GALNT17: variants seen among roughly 807,000 people sequenced by gnomAD.
GALNT17 encodes polypeptide N-acetylgalactosaminyltransferase 17, also known as UDP-GalNAc:polypeptide N-acetylgalactosaminyltransferase-like 3.
A neutral mutation model predicts 63.7 loss-of-function variants in GALNT17; 29 were observed. The ratio of observed to expected loss-of-function variants is 0.46; its 90% CI spans 0.34 to 0.62. GALNT17 has a LOEUF of 0.62. Ranked by LOEUF, GALNT17 falls within the 20% of genes least tolerant of loss-of-function variation. The pLI, the probability that GALNT17 is intolerant of heterozygous loss-of-function variation, is 0.01. For missense variants in GALNT17, 603 were observed against 799.6 expected, an observed-to-expected ratio of 0.75 and a Z score of 2.97; for synonymous variants, 305 against 318.3, an observed-to-expected ratio of 0.96 and a Z score of 0.45.
intron 2 of GALNT17, among the ~76,000 whole-genome samples, chr7:71,346,251 T>G (rs573848821): frequency 2.4e-4 from 37 of 151,812 alleles, no homozygotes; most frequent in African/African-American, 8.2e-4. Flanking sequence ...TATATATATT[T>G]TAAAAGGTCA....
At chr7:71,558,680 A>G (rs1054844090) in intron 5 of GALNT17, among the ~76,000 whole-genome samples, 1 of 152,204 alleles carries the variant, frequency 6.6e-6, no homozygotes, top group African/African-American at 2.4e-5. Flanking sequence ...AGCATAGTGC[A>G]TTTACAAAAA....
intron 5 of GALNT17, among the ~76,000 whole-genome samples, chr7:71,475,735 A>G (rs1037788675): frequency 2.0e-5 from 3 of 152,162 alleles, no homozygotes; most frequent in Non-Finnish European, 4.4e-5. Context: ...AATTGCCTAC[A>G]AAGTCGCAAA....
chr7:71,240,675 C>T (rs6974926), intron 1 of GALNT17, among the ~76,000 whole-genome samples: 51,186 of 126,710 alleles, frequency 0.4, 9,614 homozygotes, highest in East Asian at 0.67. Flanking sequence ...TTCTTTTTTT[C>T]CTTTTTTTTG....
At chr7:71,533,259 G>A (rs540937877) in intron 5 of GALNT17, among the ~76,000 whole-genome samples, 47 of 152,144 alleles carry the variant, frequency 3.1e-4, no homozygotes, top group Non-Finnish European at 5.9e-4. Context: ...CAAACATGAT[G>A]TATAATAAAT....
chr7:71,448,672 A>G (rs1787202219), intron 5 of GALNT17, among the ~76,000 whole-genome samples: 1 of 152,092 alleles, frequency 6.6e-6, no homozygotes, highest in Admixed American at 6.6e-5. Flanking sequence ...TTTTTCTTGA[A>G]AACAAAAGGC....
intron 5 of GALNT17, among the ~76,000 whole-genome samples, chr7:71,552,842 C>T (rs1015959011): frequency 3.3e-5 from 5 of 152,210 alleles, no homozygotes; most frequent in African/African-American, 4.8e-5. Flanking sequence ...ACCCAACTCT[C>T]GGCTTTCTGG....
intron 1 of GALNT17, among the ~76,000 whole-genome samples, chr7:71,298,830 T>G (rs1250511919): frequency 6.6e-6 from 1 of 151,988 alleles, no homozygotes; most frequent in Admixed American, 6.6e-5. Context: ...TATTTCAGAG[T>G]TTGGTAGCCC....
chr7:71,290,185 G>C (rs1001305335), intron 1 of GALNT17, among the ~76,000 whole-genome samples: 1 of 152,182 alleles, frequency 6.6e-6, no homozygotes, highest in African/African-American at 2.4e-5. Context: ...ACCCCAAAAA[G>C]AAACCGTGTA....
chr7:71,670,179 G>A, intron 8 of GALNT17, 70 bp downstream of exon 8: 1 of 1,595,542 alleles, frequency 6.3e-7, no homozygotes, highest in South Asian at 1.1e-5. Flanking sequence ...TCGCTGGGGA[G>A]AAATAGAGTT....
intron 6 of GALNT17, among the ~76,000 whole-genome samples, chr7:71,624,089 G>A (rs1166027592): frequency 6.6e-6 from 1 of 152,204 alleles, no homozygotes; most frequent in Admixed American, 6.5e-5. Context: ...GATGTCGGCG[G>A]CTGTCCCACT....
chr7:71,628,548 C>T (rs1314421026), intron 6 of GALNT17, among the ~76,000 whole-genome samples: 1 of 151,932 alleles, frequency 6.6e-6, no homozygotes. Context: ...GTCTCTAACT[C>T]GTGACCTCAG....
At chr7:71,349,496 A>G (rs1792154161) in intron 2 of GALNT17, among the ~76,000 whole-genome samples, 1 of 152,250 alleles carries the variant, frequency 6.6e-6, no homozygotes, top group Admixed American at 6.5e-5. Flanking sequence ...TTGGAAAATC[A>G]GTAGAAAATG....
At chr7:71,711,845 TCC>T (rs1791798122) in intron 10 of GALNT17, among the ~76,000 whole-genome samples, 171 bp from the exon 11 acceptor site, 1 of 151,446 alleles carries the variant, frequency 6.6e-6, no homozygotes, top group African/African-American at 2.4e-5. Context: ...TTTCTCTCTC[TCC>T]TCTTTCTGTC....
At chr7:71,520,816 G>C (rs1435923508) in intron 5 of GALNT17, among the ~76,000 whole-genome samples, 1 of 152,162 alleles carries the variant, frequency 6.6e-6, no homozygotes, top group Non-Finnish European at 1.5e-5. Context: ...GGGGCCACGA[G>C]ATGCATAGAC....
rs1045608548 is a variant in GALNT17 at position 71,212,248 on chromosome 7, G to A, written c.238+79208G>A. ...GGGCCAACATACAGCTCAGGCTGTGGCTTTGGAAGGTGGAAGCCCCAAGCC... is the reference window on the plus strand; with the variant it reads ...GGGCCAACATACAGCTCAGGCTGTGACTTTGGAAGGTGGAAGCCCCAAGCC... On this transcript the variant is annotated intron_variant, in intron 1 of 10. Transcript: ENST00000333538. 5.9e-5 allele frequency among the ~76,000 whole-genome samples: 9 copies of A among 152,360 alleles called. 1 individual carries two copies. Among genetic ancestry groups the A allele is most frequent in the African/African-American group, 2.2e-4 (9 of 41,582 alleles).
intron 5 of GALNT17, among the ~76,000 whole-genome samples, chr7:71,532,204 G>A (rs1303070622): frequency 6.6e-6 from 1 of 152,090 alleles, no homozygotes; most frequent in East Asian, 1.9e-4. Flanking sequence ...TCTCCTGCTT[G>A]TGCCTCCCAT....
intron 5 of GALNT17, among the ~76,000 whole-genome samples, chr7:71,448,866 G>A (rs1787206466): frequency 6.6e-6 from 1 of 151,950 alleles, no homozygotes. Context: ...AAATTATAAA[G>A]CCAAGAAAAA....
intron 1 of GALNT17, among the ~76,000 whole-genome samples, chr7:71,287,290 C>G (rs1790892804): frequency 6.6e-6 from 1 of 151,710 alleles, no homozygotes; most frequent in African/African-American, 2.4e-5. Context: ...AGGTTTTGCC[C>G]TGTTTTCTGG....
chr7:71,357,443 C>T (rs1457277137), intron 2 of GALNT17, among the ~76,000 whole-genome samples: 1 of 152,166 alleles, frequency 6.6e-6, no homozygotes, highest in Non-Finnish European at 1.5e-5. Context: ...GAAAAGTTGT[C>T]TTCCATGAAA....
Sources: allele counts gnomAD v4.1 joint callset (sites outside exome capture counted in the v4.1 genomes callset), GRCh38; gene constraint gnomAD v4.1.1; transcripts MANE v1.5; gene names NCBI Gene and HGNC (gene_info 2026-07-23, HGNC 2026-07-21).